MAP3K13: variants seen among roughly 807,000 people sequenced by gnomAD.
The protein encoded by MAP3K13 is mitogen-activated protein kinase kinase kinase 13, also known as leucine zipper-bearing kinase.
MAP3K13 carries 52 observed loss-of-function variants against 104.0 expected under a neutral mutation model. The observed-to-expected ratio is 0.50, with a 90% CI of 0.40 to 0.63. The LOEUF (loss-of-function observed/expected upper bound fraction) is 0.63. Among genes scored for constraint, MAP3K13 ranks in the 20% least tolerant of loss-of-function variants. The probability of loss-of-function intolerance (pLI) is 0.00; values close to 1 mark genes in which losing one functional copy is unlikely to be tolerated. For missense variants in MAP3K13, 914 were observed against 1,218.5 expected (o/e 0.75, Z 3.72); for synonymous variants, 394 against 442.2 (o/e 0.89, Z 1.37).
chr3:185,452,219 T>A (rs1715929921), intron 7 of MAP3K13, among the ~76,000 whole-genome samples: 2 of 151,846 alleles, frequency 1.3e-5, no homozygotes, highest in East Asian at 3.9e-4. Flanking sequence ...ATCTCAAAAC[T>A]TTTATTTTTA....
intron 2 of MAP3K13, among the ~76,000 whole-genome samples, chr3:185,307,865 G>A (rs1045618557): frequency 9.2e-5 from 14 of 151,880 alleles, no homozygotes; most frequent in Non-Finnish European, 1.8e-4. Context: ...TTATCTCTTT[G>A]TTGGTATTTT....
chr3:185,445,374 A>G (rs1443288245), intron 4 of MAP3K13, among the ~76,000 whole-genome samples: 1 of 152,200 alleles, frequency 6.6e-6, no homozygotes, highest in Non-Finnish European at 1.5e-5. Flanking sequence ...TACAGTGCTT[A>G]GTTGACTGAA....
chr3:185,356,863 CATGTATGTATGTATGT>C (rs72268579), intron 2 of MAP3K13, among the ~76,000 whole-genome samples: 34 of 149,622 alleles, frequency 2.3e-4, no homozygotes, highest in East Asian at 8.0e-4. Flanking sequence ...AGGCAGACTT[CATGTATGTATGTATGT>C]ATGTATGTAT....
At chr3:185,341,975 T>G (rs1426678430) in intron 2 of MAP3K13, among the ~76,000 whole-genome samples, 2 of 152,216 alleles carry the variant, frequency 1.3e-5, no homozygotes, top group Non-Finnish European at 2.9e-5. Context: ...TAAGAAGCAC[T>G]GCAGCTTTTT....
At chr3:185,373,470 C>T (rs1041996667) in intron 1 of MAP3K13, among the ~76,000 whole-genome samples, 3 of 152,030 alleles carry the variant, frequency 2.0e-5, no homozygotes, top group Non-Finnish European at 4.4e-5. Flanking sequence ...GAGGAAACCC[C>T]GACTCTGCTA....
Position 185,321,993 on chromosome 3 carries a change from G to A in MAP3K13, c.-86+36350G>A, listed in dbSNP as rs115061561. On this transcript the variant is annotated intron_variant, in intron 2 of 14. Coordinates refer to the MAP3K13 transcript ENST00000424227. ...AATTTCTACCCAAGTATCCCCTTAC[G>A]GAAATGGTAAGTCAATTTATAGCCC... Among the ~76,000 whole-genome samples, 909 of 152,258 alleles carry A rather than the reference G, an allele frequency of 6.0e-3. 16 individuals are homozygous for A. The highest frequency in any genetic ancestry group is 0.021 in the African/African-American group (854 of 41,530).
intron 1 of MAP3K13, among the ~76,000 whole-genome samples, chr3:185,398,983 A>G (rs910024945): frequency 1.3e-5 from 2 of 152,220 alleles, no homozygotes; most frequent in African/African-American, 4.8e-5. Context: ...CAGTGAAACA[A>G]TAAAGCTATA....
chr3:185,305,721 C>T (rs567631611), intron 2 of MAP3K13, among the ~76,000 whole-genome samples: 19 of 152,160 alleles, frequency 1.2e-4, no homozygotes, highest in African/African-American at 4.3e-4. Flanking sequence ...CTGGAAAGGT[C>T]TATTTTTTTC....
chr3:185,378,333 C>T (rs527382267), intron 1 of MAP3K13, among the ~76,000 whole-genome samples: 65 of 152,256 alleles, frequency 4.3e-4, no homozygotes, highest in African/African-American at 1.4e-3. Context: ...TGCTGCCAAA[C>T]GGGCCATGAA....
chr3:185,411,016 C>T (rs1392717191), intron 1 of MAP3K13, among the ~76,000 whole-genome samples: 1 of 151,804 alleles, frequency 6.6e-6, no homozygotes, highest in African/African-American at 2.4e-5. Flanking sequence ...TATGTTATAC[C>T]CATTCCTTTT....
chr3:185,298,789 C>G (rs1207872997), intron 2 of MAP3K13, among the ~76,000 whole-genome samples: 1 of 152,026 alleles, frequency 6.6e-6, no homozygotes, highest in African/African-American at 2.4e-5. Flanking sequence ...CTAATTTTGC[C>G]ATATAGTGAG....
chr3:185,349,566 T>G (rs1296425171), intron 2 of MAP3K13, among the ~76,000 whole-genome samples: 1 of 152,196 alleles, frequency 6.6e-6, no homozygotes, highest in Admixed American at 6.5e-5. Flanking sequence ...TCTGGAGTGG[T>G]TTTCAAAAAC....
intron 5 of MAP3K13, among the ~76,000 whole-genome samples, chr3:185,448,715 G>A (rs1715723039): frequency 6.6e-6 from 1 of 152,130 alleles, no homozygotes; most frequent in Non-Finnish European, 1.5e-5. Context: ...ATGTAAGAGT[G>A]TTTTCTCAGT....
chr3:185,290,534 T>C (rs370771187), intron 2 of MAP3K13, among the ~76,000 whole-genome samples: 15 of 152,320 alleles, frequency 9.8e-5, no homozygotes, highest in East Asian at 7.7e-4. Context: ...GCCCGGGTCC[T>C]GGTAAATTCT....
rs202042288 is a variant in MAP3K13, at chr3:185,466,881, C to T, written c.1561C>T (p.Arg521Cys). The T allele has an allele frequency of 5.0e-6, 8 of 1,613,822 alleles. No individual in the cohort carries two copies. The highest frequency in any genetic ancestry group is 1.3e-5 in the African/African-American group (1 of 74,912). ...YPGTYKRHPVRPIIHPNAMEK... is the reference protein window; with the variant it reads ...YPGTYKRHPVCPIIHPNAMEK... ...TGGGACCTACAAACGACACCCTGTT[C>T]GTCCTATCATCCATCCCAATGCCAT... Residue 521 changes from arginine (R) to cysteine (C), a missense_variant, in exon 10 of 14, where the codon CGT (arginine) becomes TGT (cysteine). This residue lies in a region of MAP3K13 where 583 missense variants were observed against 737.4 expected (regional missense o/e 0.79). Coordinates refer to ENST00000265026, the MANE Select transcript of MAP3K13 (RefSeq NM_004721.5).
chr3:185,417,443 A>C (rs1713843424), intron 1 of MAP3K13: 1 of 1,491,556 alleles, frequency 6.7e-7, no homozygotes, highest in Non-Finnish European at 9.0e-7. Context: ...CTTTATTCAA[A>C]AGAAGCTGTC....
intron 2 of MAP3K13, chr3:185,291,698 ATCT>A (rs1181855219): frequency 3.7e-5 from 56 of 1,526,624 alleles, no homozygotes; most frequent in Non-Finnish European, 4.5e-5. Flanking sequence ...CAAGACTTAG[ATCT>A]TCTTCAGAAG....
At position 185,486,564 on chromosome 3, in the gene MAP3K13, G is replaced by A. The variant is rs1328900751; in HGVS notation, c.*4108G>A. 1.3e-5 allele frequency: 2 copies of A among 152,198 alleles called. No homozygotes were observed. The highest frequency in any genetic ancestry group is 2.9e-5 in the Non-Finnish European group (2 of 68,042). 9.4% of individuals were successfully genotyped at this position (152,198 alleles called of 1,614,324 possible). ...TGAATCAAGAGCTCAGGGAAGTTAT[G>A]AGCTAATTCTTCAGTCCTGACAAGT... On this transcript the variant is annotated 3_prime_UTR_variant, in exon 14 of 14. Coordinates refer to ENST00000265026, the MANE Select transcript of MAP3K13 (RefSeq NM_004721.5).
intron 1 of MAP3K13, among the ~76,000 whole-genome samples, chr3:185,401,547 C>T (rs1282648404): frequency 6.6e-6 from 1 of 152,108 alleles, no homozygotes; most frequent in Non-Finnish European, 1.5e-5. Flanking sequence ...ATTTATAGCC[C>T]CAGATGGTGA....
Sources: allele counts gnomAD v4.1 joint callset (sites outside exome capture counted in the v4.1 genomes callset), GRCh38; gene constraint gnomAD v4.1.1; regional missense constraint gnomAD v4.1.1; transcripts MANE v1.5; gene names NCBI Gene and HGNC (gene_info 2026-07-23, HGNC 2026-07-21).